Variants in MSRB3 observed in about 807,000 individuals in gnomAD.
MSRB3 encodes the protein methionine sulfoxide reductase B3.
In MSRB3, 13 loss-of-function variants were observed where a neutral mutation model predicts 21.0. The ratio of observed to expected loss-of-function variants is 0.62; its 90% CI spans 0.40 to 0.98. MSRB3 has a LOEUF of 0.98. Ranked by LOEUF, MSRB3 falls within the 50% of genes least tolerant of loss-of-function variation. MSRB3 has a pLI of 0.00. For synonymous variants in MSRB3, 87 were observed against 88.6 expected (o/e 0.98, Z 0.10); for missense variants, 199 against 230.3 (o/e 0.86, Z 0.88).
chr12:65,414,557 C>T (rs1565881003), intron 5 of MSRB3, among the ~76,000 whole-genome samples: 2 of 152,044 alleles, frequency 1.3e-5, no homozygotes, highest in East Asian at 1.9e-4. Flanking sequence ...GAGCAATGGG[C>T]GATAGCATGT....
chr12:65,389,958 CACCA>C (rs778490295), intron 5 of MSRB3, among the ~76,000 whole-genome samples: 5 of 152,166 alleles, frequency 3.3e-5, no homozygotes, highest in African/African-American at 4.8e-5. Context: ...CCTTTTCTAC[CACCA>C]TTTTCTTTTT....
chr12:65,291,525 C>T (rs923309147), intron 1 of MSRB3, among the ~76,000 whole-genome samples: 10 of 151,134 alleles, frequency 6.6e-5, no homozygotes, highest in African/African-American at 1.2e-4. Context: ...CCCCACCCAA[C>T]GATCAATCTA....
At chr12:65,405,621 T>A (rs143630197) in intron 5 of MSRB3, among the ~76,000 whole-genome samples, 81 of 152,260 alleles carry the variant, frequency 5.3e-4, no homozygotes, top group African/African-American at 1.9e-3. Context: ...GTGGGATTTC[T>A]GGATCATATG....
chr12:65,444,699 A>G (rs1033132148), intron 5 of MSRB3, among the ~76,000 whole-genome samples: 2 of 152,070 alleles, frequency 1.3e-5, no homozygotes, highest in Admixed American at 1.3e-4. Flanking sequence ...TCTAATACTC[A>G]TTGTTGAAAT....
At chr12:65,436,757 A>G (rs896102558) in intron 5 of MSRB3, among the ~76,000 whole-genome samples, 58 of 152,002 alleles carry the variant, frequency 3.8e-4, no homozygotes, top group African/African-American at 1.3e-3. Context: ...ATTTCTGTTC[A>G]TCACTAGTTA....
intron 5 of MSRB3, among the ~76,000 whole-genome samples, chr12:65,429,175 G>A (rs1006101553): frequency 4.6e-5 from 7 of 152,158 alleles, no homozygotes; most frequent in African/African-American, 1.7e-4. Context: ...GATGATATTT[G>A]ATAGGAGCTA....
chr12:65,459,464 G>T (rs1245355809), intron 6 of MSRB3, among the ~76,000 whole-genome samples: 1 of 152,106 alleles, frequency 6.6e-6, no homozygotes, highest in Non-Finnish European at 1.5e-5. Context: ...TGCTAAACTG[G>T]TGACTTCACA....
At chr12:65,325,981 GA>G (rs1243233619) in intron 2 of MSRB3, among the ~76,000 whole-genome samples, 1 of 152,166 alleles carries the variant, frequency 6.6e-6, no homozygotes, top group African/African-American at 2.4e-5. Context: ...AATCACATTA[GA>G]ATTATTTCAC....
At chr12:65,333,251 C>A (rs377653826) in intron 4 of MSRB3, among the ~76,000 whole-genome samples, 45 of 152,240 alleles carry the variant, frequency 3.0e-4, no homozygotes, top group African/African-American at 9.4e-4. Flanking sequence ...AAGAAAAACA[C>A]AACAAACCAT....
chr12:65,386,526 A>G (rs1879202796), intron 5 of MSRB3, among the ~76,000 whole-genome samples: 1 of 151,950 alleles, frequency 6.6e-6, no homozygotes, highest in Non-Finnish European at 1.5e-5. Context: ...TTTGTTAGGT[A>G]TCATATGGTT....
intron 5 of MSRB3, chr12:65,419,116 T>C (rs1881138804): frequency 7.3e-6 from 5 of 685,276 alleles, no homozygotes; most frequent in Admixed American, 4.1e-5. Context: ...GGCTGTATGT[T>C]ACAGCTCATC....
rs1883420876 is a variant in MSRB3, at chr12:65,463,352, A to G, written c.*30A>G. 5 of 1,612,824 alleles carry G rather than the reference A, an allele frequency of 3.1e-6. No homozygotes were observed. Among genetic ancestry groups the G allele is most frequent in the African/African-American group, 2.7e-5 (2 of 74,932 alleles). ...ATGGAGAGTGATGGAAACAAAGTGTACTTAATGCACAGCTTATTAAAAAAA... is the reference window on the plus strand; with the variant it reads ...ATGGAGAGTGATGGAAACAAAGTGTGCTTAATGCACAGCTTATTAAAAAAA... On this transcript the variant is annotated 3_prime_UTR_variant, in exon 7 of 7. Transcript: ENST00000308259.
At chr12:65,455,695 A>G (rs920743148) in intron 6 of MSRB3, among the ~76,000 whole-genome samples, 1 of 152,004 alleles carries the variant, frequency 6.6e-6, no homozygotes, top group African/African-American at 2.4e-5. Flanking sequence ...AAATTTAAAA[A>G]TCTCATGATT....
chr12:65,366,813 C>T (rs552555683), intron 4 of MSRB3, among the ~76,000 whole-genome samples: 2 of 152,156 alleles, frequency 1.3e-5, no homozygotes, highest in Admixed American at 6.6e-5. Context: ...CTAGGCCCCA[C>T]TTACTGAATC....
intron 1 of MSRB3, among the ~76,000 whole-genome samples, chr12:65,305,717 C>G (rs551603519): frequency 6.6e-6 from 1 of 152,172 alleles, no homozygotes; most frequent in East Asian, 1.9e-4. Flanking sequence ...CAGTGCATGG[C>G]ACATGCTGTG....
chr12:65,389,483 A>T (rs190177712), intron 5 of MSRB3, among the ~76,000 whole-genome samples: 206 of 152,168 alleles, frequency 1.4e-3, no homozygotes, highest in South Asian at 2.5e-3. Context: ...CATTGCTGTG[A>T]TTTATTAGCT....
chr12:65,458,112 CCTTTAA>C (rs1451464745), intron 6 of MSRB3, among the ~76,000 whole-genome samples: 1 of 152,150 alleles, frequency 6.6e-6, no homozygotes, highest in East Asian at 1.9e-4. Context: ...ATACGAAGAA[CCTTTAA>C]CTGCCAACTT....
At chr12:65,386,769 C>G (rs1228939091) in intron 5 of MSRB3, among the ~76,000 whole-genome samples, 1 of 151,814 alleles carries the variant, frequency 6.6e-6, no homozygotes, top group Non-Finnish European at 1.5e-5. Context: ...TTGATTAAAT[C>G]AGAATACACA....
intron 5 of MSRB3, chr12:65,418,958 G>A (rs938874850): frequency 8.5e-6 from 6 of 708,610 alleles, no homozygotes; most frequent in East Asian, 2.7e-5. Flanking sequence ...CCCTCTGCCC[G>A]GGTCTGTGTC....
Sources: allele counts gnomAD v4.1 joint callset (sites outside exome capture counted in the v4.1 genomes callset), GRCh38; gene constraint gnomAD v4.1.1; transcripts MANE v1.5; gene names NCBI Gene and HGNC (gene_info 2026-07-23, HGNC 2026-07-21).